Variants in SLC35D4 observed in about 807,000 individuals in gnomAD.
SLC35D4 encodes solute carrier family 35 member D4.
the SLC35D4 span, among the ~76,000 whole-genome samples, chr18:23,383,743 G>T: frequency 1.3e-5 from 2 of 152,044 alleles, no homozygotes; most frequent in African/African-American, 4.8e-5. Flanking sequence ...TTGTCACATG[G>T]GAAGGAGAGC....
chr18:23,248,146 G>A, the SLC35D4 span, among the ~76,000 whole-genome samples: 1 of 152,256 alleles, frequency 6.6e-6, no homozygotes, highest in Admixed American at 6.5e-5. Flanking sequence ...CTGAGCTGTT[G>A]GCTCTCAGGG....
At chr18:23,373,305 ACT>A in the SLC35D4 span, among the ~76,000 whole-genome samples, 1 of 152,106 alleles carries the variant, frequency 6.6e-6, no homozygotes. Context: ...ACAGGGTGAG[ACT>A]CTGTCTCAAA....
the SLC35D4 span, among the ~76,000 whole-genome samples, chr18:23,368,206 C>T: frequency 2.6e-5 from 4 of 152,030 alleles, no homozygotes; most frequent in African/African-American, 9.7e-5. Flanking sequence ...TGCCAATGCT[C>T]CCCTTTTCTT....
the SLC35D4 span, among the ~76,000 whole-genome samples, chr18:23,368,049 G>A: frequency 2.0e-5 from 3 of 152,134 alleles, no homozygotes; most frequent in Non-Finnish European, 4.4e-5. Context: ...ATATTTAAAA[G>A]TTATAAATCA....
chr18:23,275,618 T>TGCGGTGCGGTGCGGTGCGGTGCGGTGCG, the SLC35D4 span, among the ~76,000 whole-genome samples: 1 of 135,918 alleles, frequency 7.4e-6, no homozygotes, highest in South Asian at 2.2e-4. Flanking sequence ...TGTGCTGTGC[T>TGCGGTGCGGTGCGGTGCGGTGCGGTGCG]GTGCTGTGCT....
At chr18:23,389,615 G>C in the SLC35D4 span, among the ~76,000 whole-genome samples, 1 of 151,746 alleles carries the variant, frequency 6.6e-6, no homozygotes, top group African/African-American at 2.4e-5. Flanking sequence ...GCACGATCTT[G>C]GCAACCTCTG....
the SLC35D4 span, among the ~76,000 whole-genome samples, chr18:23,396,204 G>A: frequency 1.3e-5 from 2 of 152,134 alleles, no homozygotes; most frequent in Non-Finnish European, 2.9e-5. Flanking sequence ...TACAGATCAG[G>A]AGAACAGAAC....
chr18:23,344,256 T>C, the SLC35D4 span, among the ~76,000 whole-genome samples: 7 of 152,202 alleles, frequency 4.6e-5, no homozygotes, highest in Non-Finnish European at 8.8e-5. Context: ...CAGTCTACCA[T>C]TGATGGGCAT....
the SLC35D4 span, among the ~76,000 whole-genome samples, chr18:23,254,307 C>T: frequency 6.6e-6 from 1 of 152,210 alleles, no homozygotes; most frequent in Non-Finnish European, 1.5e-5. Flanking sequence ...ACCTTGGCTT[C>T]CTACTTCCTT....
At chr18:23,273,009 T>C in the SLC35D4 span, among the ~76,000 whole-genome samples, 2 of 152,190 alleles carry the variant, frequency 1.3e-5, no homozygotes, top group Non-Finnish European at 2.9e-5. Flanking sequence ...CCAAGCTTTG[T>C]TCTCCATGAC....
At chr18:23,269,824 A>G in the SLC35D4 span, among the ~76,000 whole-genome samples, 2 of 152,200 alleles carry the variant, frequency 1.3e-5, no homozygotes, top group Admixed American at 1.3e-4. Flanking sequence ...GATCTGTGGA[A>G]CTTTGAACTT....
chr18:23,299,792 C>G, the SLC35D4 span, among the ~76,000 whole-genome samples: 3 of 152,166 alleles, frequency 2.0e-5, no homozygotes, highest in South Asian at 6.2e-4. Context: ...GGATGTCCCC[C>G]ACTTGGTTCA....
chr18:23,276,208 C>T, the SLC35D4 span, among the ~76,000 whole-genome samples: 3 of 151,998 alleles, frequency 2.0e-5, no homozygotes, highest in Non-Finnish European at 4.4e-5. Flanking sequence ...CTGCCTCAGC[C>T]TCCCGAGTAG....
At chr18:23,432,491 A>G in the SLC35D4 span, among the ~76,000 whole-genome samples, 2 of 151,212 alleles carry the variant, frequency 1.3e-5, no homozygotes, top group Admixed American at 1.3e-4. Context: ...GACCAGCCTG[A>G]CCAACATAGT....
chr18:23,315,384 A>G, the SLC35D4 span, among the ~76,000 whole-genome samples: 19 of 152,278 alleles, frequency 1.2e-4, no homozygotes, highest in Middle Eastern at 3.4e-3. Flanking sequence ...CGCACACCCA[A>G]CTGGATCAAG....
the SLC35D4 span, among the ~76,000 whole-genome samples, chr18:23,407,731 T>C: frequency 1.3e-5 from 2 of 152,196 alleles, no homozygotes; most frequent in Non-Finnish European, 2.9e-5. Flanking sequence ...AAAAGTTATA[T>C]CCAATAGAGG....
the SLC35D4 span, among the ~76,000 whole-genome samples, chr18:23,433,799 T>A: frequency 6.6e-6 from 1 of 150,760 alleles, no homozygotes; most frequent in Non-Finnish European, 1.5e-5. Flanking sequence ...AAAATTACAC[T>A]AAAAAAAATG....
At chr18:23,313,462 G>T in the SLC35D4 span, among the ~76,000 whole-genome samples, 1 of 152,090 alleles carries the variant, frequency 6.6e-6, no homozygotes, top group African/African-American at 2.4e-5. Context: ...ACTGGTGTGA[G>T]TGTGTGACAA....
chr18:23,286,983 G>A, the SLC35D4 span, among the ~76,000 whole-genome samples: 19 of 150,552 alleles, frequency 1.3e-4, no homozygotes, highest in African/African-American at 4.4e-4. Flanking sequence ...CTTGGCGACT[G>A]ATCATGCACC....
Sources: gnomAD v4.1 joint callset for allele counts (sites outside exome capture counted in the v4.1 genomes callset) on GRCh38, gnomAD v4.1.1 for gene constraint, MANE v1.5 for transcripts, NCBI Gene and HGNC (gene_info 2026-07-23, HGNC 2026-07-21) for gene names.